LTBP2: variants seen among roughly 807,000 people sequenced by gnomAD.
LTBP2 encodes the protein latent-transforming growth factor beta-binding protein 2.
In LTBP2, 103 loss-of-function variants were observed where a neutral mutation model predicts 210.6. That is an observed-to-expected ratio of 0.49 (90% CI 0.42 to 0.58). LTBP2 has a LOEUF of 0.58. LTBP2 is among the 20% of genes least tolerant of loss of function. LTBP2 has a pLI of 0.00. For missense variants in LTBP2, 2,313 were observed against 2,494.5 expected, an observed-to-expected ratio of 0.93 and a Z score of 1.55; for synonymous variants, 1,007 against 1,015.0, an observed-to-expected ratio of 0.99 and a Z score of 0.15.
chr14:74,562,478 G>A (rs779238376), intron 3 of LTBP2, among the ~76,000 whole-genome samples: 2 of 152,176 alleles, frequency 1.3e-5, no homozygotes, highest in Admixed American at 6.5e-5. Context: ...AAAGTAAAAA[G>A]ACAAATGACA....
chr14:74,509,839 G>C lies in LTBP2; in HGVS notation c.3172C>G (p.Arg1058Gly). ...CAGAGGCCTGTGGGGCATGAGGCCC[G>C]GCTGGCACACTCATCCACATCTGAA... ...GCQDVDECAS[R>G]ASCPTGLCLN... Residue 1058 changes from arginine (R) to glycine (G), a missense_variant, in exon 21 of 36, where the codon CGG (arginine) becomes GGG (glycine). Arg to Gly is a moderately radical substitution (Grantham distance 125). Coordinates refer to ENST00000261978, the MANE Select transcript of LTBP2 (RefSeq NM_000428.3). The C allele has an allele frequency of 6.2e-7, 1 of 1,614,036 alleles. No homozygotes were observed. The highest frequency in any genetic ancestry group is 8.5e-7 in the Non-Finnish European group (1 of 1,180,026).
chr14:74,516,950 A>G lies in LTBP2; in HGVS notation c.2789-9T>C, dbSNP rs368269193. 3.5e-4 allele frequency: 546 copies of G among 1,550,926 alleles called. 2 individuals carry two copies. The highest frequency in any genetic ancestry group is 3.5e-3 in the Middle Eastern group (21 of 5,992). ...CTCACACTCATTGATATCTGTGAAC[A>G]CACAGAAAAGCCCTGAGTCACAGCC... On this transcript the variant is annotated splice_polypyrimidine_tract_variant and intron_variant, in intron 17 of 35. Transcript: ENST00000261978.
chr14:74,516,967 G>A lies in LTBP2; in HGVS notation c.2789-26C>T, dbSNP rs767507036. 4 of 1,549,452 alleles carry A rather than the reference G, an allele frequency of 2.6e-6. No individual in the cohort carries two copies. The South Asian group carries it at 3.6e-5, about 14-fold the overall frequency. ...CTGTGAACACACAGAAAAGCCCTGA[G>A]TCACAGCCAGCCCTGGAGGATGGTG... On this transcript the variant is annotated intron_variant, in intron 17 of 35. Transcript: ENST00000261978.
At chr14:74,540,837 AT>A (rs1192446632) in intron 8 of LTBP2, among the ~76,000 whole-genome samples, 9 of 29,526 alleles carry the variant, frequency 3.0e-4, no homozygotes, top group East Asian at 1.7e-3. Context: ...TATAATATAT[AT>A]TTATATATAT....
chr14:74,564,612 T>G (rs1357552868), intron 3 of LTBP2, among the ~76,000 whole-genome samples: 1 of 151,060 alleles, frequency 6.6e-6, no homozygotes, highest in Non-Finnish European at 1.5e-5. Flanking sequence ...CTTGAACTCT[T>G]GACCTGGTGA....
At chr14:74,564,481 G>A (rs372514945) in intron 3 of LTBP2, among the ~76,000 whole-genome samples, 4 of 142,734 alleles carry the variant, frequency 2.8e-5, no homozygotes, top group Middle Eastern at 3.5e-3. Context: ...TGCAACCTCC[G>A]TCTCCCAGGT....
chr14:74,556,757 A>G (rs983215182), intron 3 of LTBP2, among the ~76,000 whole-genome samples: 2 of 152,164 alleles, frequency 1.3e-5, no homozygotes, highest in African/African-American at 4.8e-5. Context: ...GCCTCAGGTG[A>G]TCCGCCCACC....
chr14:74,545,982 A>G (rs1402210408), intron 8 of LTBP2, among the ~76,000 whole-genome samples: 1 of 152,196 alleles, frequency 6.6e-6, no homozygotes, highest in Non-Finnish European at 1.5e-5. Flanking sequence ...CCATGCAATT[A>G]AGACTTCAAG....
intron 17 of LTBP2, among the ~76,000 whole-genome samples, chr14:74,518,910 C>T (rs767321401): frequency 2.0e-5 from 3 of 152,106 alleles, no homozygotes; most frequent in Admixed American, 6.5e-5. Context: ...TAGACAGAGC[C>T]GTATGTGGGA....
In LTBP2 at chr14:74,586,203, T is replaced by G; in HGVS notation, c.566-85A>C. The G allele has an allele frequency of 1.4e-6, 2 of 1,437,188 alleles. No individual in the cohort carries two copies. Among genetic ancestry groups the G allele is most frequent in the Non-Finnish European group, 1.9e-6 (2 of 1,059,276 alleles). The allele number at this position is 1,437,188 out of a possible 1,614,324, so 89.0% of individuals were successfully genotyped here. On this transcript the variant is annotated intron_variant, in intron 2 of 35. Coordinates refer to ENST00000261978, the MANE Select transcript of LTBP2 (RefSeq NM_000428.3). The surrounding 1 kb of genome is among the most constrained non-coding windows in gnomAD (Gnocchi z 4.6). ...CCACACCTTCCTGTCAGAAGGGCCC[T>G]CCTGAGTGCTGCAACCCTGTCGCTC...
intron 1 of LTBP2, among the ~76,000 whole-genome samples, chr14:74,605,066 A>G (rs1423499670): frequency 2.0e-5 from 3 of 152,148 alleles, no homozygotes; most frequent in Non-Finnish European, 4.4e-5. Flanking sequence ...ATTGGAAATC[A>G]TCACCGGGCA....
intron 3 of LTBP2, among the ~76,000 whole-genome samples, chr14:74,568,383 G>A (rs542446225): frequency 2.0e-5 from 3 of 152,236 alleles, no homozygotes; most frequent in African/African-American, 4.8e-5. Context: ...CAGCGCGGCC[G>A]TGGGGCTGGA....
At chr14:74,505,908 C>T in intron 28 of LTBP2, 140 bp downstream of exon 28, 2 of 1,197,376 alleles carry the variant, frequency 1.7e-6, no homozygotes, top group Non-Finnish European at 2.4e-6. Context: ...TGCACCAGGC[C>T]CCGCCTGCAC....
At chr14:74,539,827 T>C (rs1490608940) in intron 8 of LTBP2, among the ~76,000 whole-genome samples, 1 of 152,184 alleles carries the variant, frequency 6.6e-6, no homozygotes, top group Non-Finnish European at 1.5e-5. Flanking sequence ...TGCTGGCACC[T>C]GCAGAAAACT....
chr14:74,601,068 A>G, intron 2 of LTBP2, among the ~76,000 whole-genome samples: 1 of 152,166 alleles, frequency 6.6e-6, no homozygotes, highest in East Asian at 1.9e-4. Context: ...GCTGTTAAAA[A>G]AATTACAGTG....
intron 1 of LTBP2, 127 bp downstream of exon 1, chr14:74,611,324 C>T (rs970712933): frequency 2.6e-6 from 3 of 1,134,910 alleles, no homozygotes; most frequent in Non-Finnish European, 2.3e-6. Flanking sequence ...GGGGCTGTTT[C>T]CCGAAGTACT....
At chr14:74,550,061 T>A (rs1373366114) in intron 7 of LTBP2, 96 bp from the exon 8 acceptor site, 3 of 805,546 alleles carry the variant, frequency 3.7e-6, no homozygotes, top group Non-Finnish European at 6.5e-6. Context: ...CAGAGCTCAC[T>A]CCCCACATTC....
chr14:74,585,030 G>A (rs2088185069), intron 3 of LTBP2, among the ~76,000 whole-genome samples: 1 of 152,154 alleles, frequency 6.6e-6, no homozygotes, highest in Admixed American at 6.5e-5. Flanking sequence ...GAAAGCGAAT[G>A]GAAAAACTAA....
At chr14:74,554,739 C>T (rs527617354) in intron 4 of LTBP2, among the ~76,000 whole-genome samples, 47 of 152,126 alleles carry the variant, frequency 3.1e-4, no homozygotes, top group Non-Finnish European at 5.9e-4. Flanking sequence ...ATAGTGGTGA[C>T]GGTTGCACAC....
Sources: allele counts gnomAD v4.1 joint callset (sites outside exome capture counted in the v4.1 genomes callset), GRCh38; gene constraint gnomAD v4.1.1; non-coding constraint Gnocchi (gnomAD v3.1); transcripts MANE v1.5; gene names NCBI Gene and HGNC (gene_info 2026-07-23, HGNC 2026-07-21).